Variants in ANKS1B observed in about 807,000 individuals in gnomAD.
ANKS1B encodes the protein ankyrin repeat and sterile alpha motif domain containing 1B.
ANKS1B carries 36 observed loss-of-function variants against 148.3 expected under a neutral mutation model. That is an observed-to-expected ratio of 0.24 (90% CI 0.19 to 0.32). The LOEUF is 0.32. ANKS1B is among the 10% of genes least tolerant of loss of function. The pLI is 1.00. For synonymous variants in ANKS1B, 542 were observed against 560.8 expected, an observed-to-expected ratio of 0.97 and a Z score of 0.47; for missense variants, 1,157 against 1,542.6, an observed-to-expected ratio of 0.75 and a Z score of 4.19.
chr12:99,698,064 T>C (rs1467903117), intron 8 of ANKS1B, among the ~76,000 whole-genome samples: 1 of 152,038 alleles, frequency 6.6e-6, no homozygotes, highest in African/African-American at 2.4e-5. Context: ...AGGAAAGAGG[T>C]AGGATTTCTC....
At chr12:99,395,425 T>C (rs1171530234) in intron 12 of ANKS1B, among the ~76,000 whole-genome samples, 1 of 152,178 alleles carries the variant, frequency 6.6e-6, no homozygotes, top group Non-Finnish European at 1.5e-5. Context: ...CATCCACCTT[T>C]CACTCATCAG....
At chr12:99,660,293 C>T (rs552903010) in intron 8 of ANKS1B, among the ~76,000 whole-genome samples, 2 of 151,854 alleles carry the variant, frequency 1.3e-5, no homozygotes, top group South Asian at 2.1e-4. Flanking sequence ...GACTTTCTCA[C>T]GATAAATTCA....
intron 17 of ANKS1B, among the ~76,000 whole-genome samples, chr12:98,846,932 C>T (rs1243915842): frequency 1.3e-5 from 2 of 152,168 alleles, no homozygotes; most frequent in African/African-American, 2.4e-5. Context: ...TTTTCTTAAA[C>T]CACTTTATTC....
At chr12:99,304,732 G>A (rs959576348) in intron 12 of ANKS1B, among the ~76,000 whole-genome samples, 12 of 151,934 alleles carry the variant, frequency 7.9e-5, no homozygotes, top group African/African-American at 2.4e-4. Context: ...ATAGGCTCTG[G>A]GAATATGTCT....
At chr12:99,907,812 T>TAAAAAAAAAAAAA (rs751468199) in intron 1 of ANKS1B, among the ~76,000 whole-genome samples, 1 of 100,158 alleles carries the variant, frequency 1.0e-5, no homozygotes, top group Non-Finnish European at 1.9e-5. Context: ...GAGAAATTCT[T>TAAAAAAAAAAAAA]AAAAAAAAAA....
chr12:99,551,423 A>T (rs183079123), intron 9 of ANKS1B, among the ~76,000 whole-genome samples: 1 of 151,926 alleles, frequency 6.6e-6, no homozygotes, highest in East Asian at 1.9e-4. Context: ...TGAACTATGG[A>T]ACTATGATCT....
chr12:98,989,602 C>T (rs1037767811), intron 17 of ANKS1B, among the ~76,000 whole-genome samples: 1 of 151,980 alleles, frequency 6.6e-6, no homozygotes, highest in East Asian at 1.9e-4. Context: ...CTATTTGGGA[C>T]CTTTTTTGAT....
At chr12:98,928,364 G>T (rs1250229944) in intron 17 of ANKS1B, among the ~76,000 whole-genome samples, 2 of 150,772 alleles carry the variant, frequency 1.3e-5, no homozygotes, top group African/African-American at 4.9e-5. Flanking sequence ...AATACTTAAA[G>T]AATTAACACC....
At chr12:99,271,137 T>G (rs2076995741) in intron 12 of ANKS1B, among the ~76,000 whole-genome samples, 1 of 152,202 alleles carries the variant, frequency 6.6e-6, no homozygotes, top group African/African-American at 2.4e-5. Context: ...TCTTGGCAAA[T>G]TCAAATTATT....
At chr12:99,927,335 T>A (rs1306308786) in intron 1 of ANKS1B, among the ~76,000 whole-genome samples, 1 of 152,206 alleles carries the variant, frequency 6.6e-6, no homozygotes, top group Non-Finnish European at 1.5e-5. Context: ...AAATTCCTAC[T>A]GCATGTAAAT....
At chr12:99,633,190 G>T (rs548790381) in intron 9 of ANKS1B, among the ~76,000 whole-genome samples, 129 of 151,942 alleles carry the variant, frequency 8.5e-4, no homozygotes, top group African/African-American at 2.8e-3. Context: ...CCAAGTCTTT[G>T]CTATTGTGAA....
At chr12:99,688,804 A>T (rs1381385682) in intron 8 of ANKS1B, among the ~76,000 whole-genome samples, 1 of 152,036 alleles carries the variant, frequency 6.6e-6, no homozygotes, top group African/African-American at 2.4e-5. Context: ...TTGCACCATC[A>T]CAATCCAGCC....
chr12:99,183,237 G>A (rs2079354876), intron 14 of ANKS1B, among the ~76,000 whole-genome samples: 1 of 152,146 alleles, frequency 6.6e-6, no homozygotes, highest in South Asian at 2.1e-4. Context: ...GATATCACAA[G>A]ACACATTAAA....
intron 12 of ANKS1B, among the ~76,000 whole-genome samples, chr12:99,338,701 T>C (rs2089400004): frequency 6.6e-6 from 1 of 152,156 alleles, no homozygotes. Context: ...TTACCACTGA[T>C]GTTTATTCAA....
intron 9 of ANKS1B, among the ~76,000 whole-genome samples, chr12:99,516,944 C>T (rs551530067): frequency 1.9e-4 from 29 of 152,088 alleles, no homozygotes; most frequent in African/African-American, 1.7e-4. Context: ...ATCCAGGTAA[C>T]GTGATTCCTC....
chr12:98,744,745 T>C lies in ANKS1B; in HGVS notation c.*994A>G, dbSNP rs2097845876. On this transcript the variant is annotated 3_prime_UTR_variant, in exon 27 of 27. Coordinates refer to ENST00000683438, the MANE Select transcript of ANKS1B (RefSeq NM_001352186.2). ...TTTGCAATAGAATTTTATTAACACC[T>C]TTCTCAAACAAGGTTTCCATGACAG... is the stretch of plus-strand genomic sequence containing the variant. The C allele has an allele frequency of 1.0e-6, 1 of 984,544 alleles. No homozygotes were observed. Among genetic ancestry groups the C allele is most frequent in the Non-Finnish European group, 1.2e-6 (1 of 829,314 alleles). 61.0% of individuals were successfully genotyped at this position (984,544 alleles called of 1,614,324 possible).
At chr12:99,943,446 A>G (rs2094970229) in intron 1 of ANKS1B, among the ~76,000 whole-genome samples, 1 of 152,190 alleles carries the variant, frequency 6.6e-6, no homozygotes. Flanking sequence ...GCTAATAAAG[A>G]TATACACAAC....
chr12:98,772,881 G>A (rs909716586), intron 25 of ANKS1B, 161 bp downstream of exon 25: 12 of 718,948 alleles, frequency 1.7e-5, no homozygotes, highest in South Asian at 2.2e-5. Context: ...TCGGTCTGTG[G>A]TACTTTGTTA....
chr12:99,041,303 G>A (rs753245196), intron 17 of ANKS1B, among the ~76,000 whole-genome samples: 1 of 152,186 alleles, frequency 6.6e-6, no homozygotes, highest in Non-Finnish European at 1.5e-5. Flanking sequence ...TGAGCGAAGA[G>A]TGGATGTGCA....
Sources: allele counts gnomAD v4.1 joint callset (sites outside exome capture counted in the v4.1 genomes callset), GRCh38; gene constraint gnomAD v4.1.1; transcripts MANE v1.5; gene names NCBI Gene and HGNC (gene_info 2026-07-23, HGNC 2026-07-21).